The following TPR variants were observed in gnomAD, a reference collection of about 807,000 sequenced individuals.
TPR encodes the protein nucleoprotein TPR.
A neutral mutation model predicts 316.1 loss-of-function variants in TPR; 51 were observed. The observed-to-expected ratio is 0.16, with a 90% CI of 0.13 to 0.20. TPR has a LOEUF of 0.20. Ranked by LOEUF, TPR falls within the 10% of genes least tolerant of loss-of-function variation. TPR has a pLI of 1.00. For synonymous variants in TPR, 981 were observed against 914.7 expected, an observed-to-expected ratio of 1.07 and a Z score of -1.31; for missense variants, 2,272 against 2,754.8, an observed-to-expected ratio of 0.82 and a Z score of 3.92.
At chr1:186,349,060 C>T (rs991899020) in intron 21 of TPR, among the ~76,000 whole-genome samples, 2 of 152,184 alleles carry the variant, frequency 1.3e-5, no homozygotes, top group Non-Finnish European at 2.9e-5. Context: ...TTGAAACTAT[C>T]ATGAGTTGAA....
chr1:186,314,846 T>G (rs1022668995), intron 49 of TPR, 122 bp from the exon 50 acceptor site: 1 of 563,574 alleles, frequency 1.8e-6, no homozygotes, highest in African/African-American at 1.9e-5. Context: ...TTGATTTCAA[T>G]TCTTTTTTTC....
At chr1:186,331,368 CTAG>C in intron 39 of TPR, 127 bp downstream of exon 39, 1 of 592,854 alleles carries the variant, frequency 1.7e-6, no homozygotes, top group Non-Finnish European at 2.9e-6. Flanking sequence ...ATGATTAATT[CTAG>C]TAGTATTTCA....
chr1:186,346,129 A>G lies in TPR; in HGVS notation c.3096+6T>C, dbSNP rs191630101. On this transcript the variant is annotated splice_donor_region_variant and intron_variant, in intron 23 of 50. Coordinates refer to ENST00000367478, the MANE Select transcript of TPR (RefSeq NM_003292.3). ...AAAAAAAAATTAATACGGTTAACCT[A>G]TTTACCTGTTGTTCCATGCTCTCTA... 4 of 1,597,102 alleles carry G rather than the reference A, an allele frequency of 2.5e-6. No individual in the cohort carries two copies. In the African/African-American group the frequency reaches 4.1e-5, roughly 16 times the overall value.
chr1:186,362,765 C>A, intron 6 of TPR, 72 bp downstream of exon 6: 1 of 1,318,090 alleles, frequency 7.6e-7, no homozygotes, highest in South Asian at 1.5e-5. Flanking sequence ...CTACTGAATA[C>A]ATATTTAATA....
chr1:186,345,712 A>G lies in TPR; in HGVS notation c.3097-16T>C, dbSNP rs1194175910. ...ATTCAGATAACTAAGCAGAAAGAACAAGATTAAAACCAAAATTAATTGCAA... is the reference window on the plus strand; with the variant it reads ...ATTCAGATAACTAAGCAGAAAGAACGAGATTAAAACCAAAATTAATTGCAA... On this transcript the variant is annotated splice_polypyrimidine_tract_variant and intron_variant, in intron 23 of 50. Transcript: ENST00000367478. 1.9e-5 allele frequency: 30 copies of G among 1,573,504 alleles called. No homozygotes were observed. Among genetic ancestry groups the G allele is most frequent in the Non-Finnish European group, 2.5e-5 (29 of 1,146,094 alleles).
chr1:186,317,712 C>A, intron 48 of TPR, 112 bp from the exon 49 acceptor site: 2 of 921,246 alleles, frequency 2.2e-6, no homozygotes, highest in South Asian at 1.7e-5. Context: ...CTCCCTTAAA[C>A]AAAAAATTAT....
Position 186,313,748 on chromosome 1 carries a change from C to G in TPR, c.*223G>C. Reference sequence around the variant, plus strand: ...CAATTACTACTCGTTCTGGGCAGACCTTATCCAAAGTCTGGTACAACTGTC... The same window carrying G: ...CAATTACTACTCGTTCTGGGCAGACGTTATCCAAAGTCTGGTACAACTGTC... On this transcript the variant is annotated 3_prime_UTR_variant, in exon 51 of 51. Transcript: ENST00000367478. 2 of 1,607,798 alleles carry G rather than the reference C, an allele frequency of 1.2e-6. No homozygotes were observed. The highest frequency in any genetic ancestry group is 1.7e-6 in the Non-Finnish European group (2 of 1,174,462).
In TPR at chr1:186,337,049, T is replaced by C. The variant is rs1177017297; in HGVS notation, c.4470A>G (p.Ser1490=). The part of the protein sequence containing the change: ...KETLNQAETK[S]KSLESQVENL... ...TCTCTACTTGACTTTCAAGTGATTT[T>C]GATTTTGTTTCAGCTTGGTTGAGCG... The change falls in exon 32 of 51, where the codon TCA becomes TCG. Residue 1490 remains serine (S), a synonymous_variant. Transcript: ENST00000367478. 6.2e-7 allele frequency: 1 copy of C among 1,613,952 alleles called. No individual in the cohort carries two copies. Among genetic ancestry groups the C allele is most frequent in the Non-Finnish European group, 8.5e-7 (1 of 1,179,844 alleles).
chr1:186,352,086 C>T lies in TPR; in HGVS notation c.2359G>A (p.Glu787Lys), dbSNP rs750316171. 3.7e-6 allele frequency: 6 copies of T among 1,602,222 alleles called. No individual in the cohort carries two copies. The highest frequency in any genetic ancestry group is 5.1e-6 in the Non-Finnish European group (6 of 1,176,640). The change falls in exon 19 of 51, where the codon GAA becomes AAA. Residue 787 changes from glutamate to lysine, a missense_variant. Around this residue, in one of 10 missense-constraint regions of TPR, gnomAD observed 757 missense variants for 859.8 expected, o/e 0.88. Transcript: ENST00000367478. ...AEVRAENLKK[E>K]KEMLKLSEVR... Reference sequence around the variant, plus strand: ...TCAGACAATTTAAGCATTTCCTTTTCCTTCTTCAAATTTTCTGCTCTTACC... The same window carrying T: ...TCAGACAATTTAAGCATTTCCTTTTTCTTCTTCAAATTTTCTGCTCTTACC...
rs1169377586 is a variant in TPR at position 186,334,568 on chromosome 1, C to G, written c.4974-35G>C. The G allele has an allele frequency of 1.9e-6, 3 of 1,576,546 alleles. No individual in the cohort carries two copies. In the East Asian group the frequency reaches 6.7e-5, roughly 35 times the overall value. On this transcript the variant is annotated intron_variant, in intron 35 of 50. Transcript: ENST00000367478. Reference sequence around the variant, plus strand: ...GAGAAAATGGAAGAATAATTAATAACAAATTATTATGCAAATACTTTTAAA... The same window carrying G: ...GAGAAAATGGAAGAATAATTAATAAGAAATTATTATGCAAATACTTTTAAA...
chr1:186,313,122 A>T lies in TPR; in HGVS notation c.*849T>A. 1 of 536,234 alleles carries T rather than the reference A, an allele frequency of 1.9e-6. No homozygotes were observed. The highest frequency in any genetic ancestry group is 3.3e-6 in the Non-Finnish European group (1 of 298,552). 33.2% of individuals were successfully genotyped at this position (536,234 alleles called of 1,614,324 possible). A position where few individuals can be genotyped will look rare whatever the true frequency, so the allele number is the denominator to read the frequency against. Reference sequence around the variant, plus strand: ...TTCATGAGATTACGATAAAACATCCAGTTACTAGAGTAAACTTGCTACTGA... The same window carrying T: ...TTCATGAGATTACGATAAAACATCCTGTTACTAGAGTAAACTTGCTACTGA... On this transcript the variant is annotated 3_prime_UTR_variant, in exon 51 of 51. Coordinates refer to ENST00000367478, the MANE Select transcript of TPR (RefSeq NM_003292.3).
At position 186,331,531 on chromosome 1, in the gene TPR, T is replaced by C. The variant is rs1294692124; in HGVS notation, c.5655A>G (p.Val1885=). The C allele has an allele frequency of 1.2e-6, 2 of 1,609,538 alleles. No homozygotes were observed. Among genetic ancestry groups the C allele is most frequent in the East Asian group, 2.2e-5 (1 of 44,638 alleles). Residue 1885 remains valine (V), a synonymous_variant, in exon 39 of 51, where the codon GTA becomes GTG. Coordinates refer to ENST00000367478, the MANE Select transcript of TPR (RefSeq NM_003292.3). ...ESTDGEVETQ[V]YNQDSQDSIG... ...TGGAATCTTGAGAATCCTGGTTGTA[T>C]ACCTGAGTCTCTACCTCTCCATCAG...
At chr1:186,321,992 G>T (rs1483377282) in intron 45 of TPR, among the ~76,000 whole-genome samples, 1 of 152,176 alleles carries the variant, frequency 6.6e-6, no homozygotes, top group Non-Finnish European at 1.5e-5. Context: ...AGGTGCTCAT[G>T]AACAGAGAAC....
rs1386259340 is a variant in TPR, at chr1:186,359,786, G to T, written c.1389+13C>A. On this transcript the variant is annotated intron_variant, in intron 12 of 50. Transcript: ENST00000367478. ...TATTGTTACCACGGCTAAATTTTAG[G>T]AATGGAACCAACCTTCATAGCTTGT... The T allele has an allele frequency of 6.4e-7, 1 of 1,569,806 alleles. No homozygotes were observed. The highest frequency in any genetic ancestry group is 2.3e-5 in the East Asian group (1 of 43,022).
intron 49 of TPR, 118 bp downstream of exon 49, chr1:186,317,362 TAA>T: frequency 1.3e-6 from 1 of 791,842 alleles, no homozygotes; most frequent in African/African-American, 1.8e-5. Context: ...ATTTCTCTTT[TAA>T]ATAAAGCATT....
intron 46 of TPR, among the ~76,000 whole-genome samples, chr1:186,319,330 C>T (rs1374490593): frequency 6.6e-6 from 1 of 152,158 alleles, no homozygotes; most frequent in East Asian, 1.9e-4. Flanking sequence ...TTTAAACTTT[C>T]TAATGCTACA....
At chr1:186,341,544 G>A in intron 27 of TPR, 155 bp from the exon 28 acceptor site, 2 of 720,314 alleles carry the variant, frequency 2.8e-6, no homozygotes, top group Non-Finnish European at 4.3e-6. Context: ...TTACTTTTCT[G>A]TGAGGCATGC....
At chr1:186,353,981 A>T in intron 17 of TPR, 131 bp from the exon 18 acceptor site, 1 of 699,476 alleles carries the variant, frequency 1.4e-6, no homozygotes, top group Non-Finnish European at 2.3e-6. Context: ...CTAATGTAAC[A>T]TCATACATAT....
intron 18 of TPR, among the ~76,000 whole-genome samples, chr1:186,352,713 T>C (rs1305181108): frequency 3.3e-5 from 5 of 152,282 alleles, no homozygotes; most frequent in East Asian, 1.9e-4. Flanking sequence ...ACAATGGAGT[T>C]GGAGCAAGAT....
Sources: allele counts gnomAD v4.1 joint callset (sites outside exome capture counted in the v4.1 genomes callset), GRCh38; gene constraint gnomAD v4.1.1; regional missense constraint gnomAD v4.1.1; transcripts MANE v1.5; gene names NCBI Gene and HGNC (gene_info 2026-07-23, HGNC 2026-07-21).